The following GLRX variants were observed in gnomAD, a reference collection of about 807,000 sequenced individuals.
GLRX encodes the protein glutaredoxin.
GLRX carries 9 observed loss-of-function variants against 11.1 expected under a neutral mutation model. The observed-to-expected ratio is 0.81, with a 90% confidence interval of 0.49 to 1.42. GLRX has a LOEUF of 1.42. Among genes scored for constraint, GLRX ranks in the 40% most tolerant of loss-of-function variants. The pLI is 0.00. For synonymous variants in GLRX, 49 were observed against 49.5 expected (o/e 0.99, Z 0.04); for missense variants, 102 against 126.2 (o/e 0.81, Z 0.92).
chr5:95,822,716 G>T lies in GLRX; in HGVS notation c.-54C>A. 1 of 1,488,186 alleles carries T rather than the reference G, an allele frequency of 6.7e-7. No individual in the cohort carries two copies. The highest frequency in any genetic ancestry group is 1.1e-5 in the South Asian group (1 of 87,240). The allele number at this position is 1,488,186 out of a possible 1,614,324, so 92.2% of individuals were successfully genotyped here. On this transcript the variant is annotated 5_prime_UTR_variant, in exon 1 of 3. Coordinates refer to ENST00000237858, the MANE Select transcript of GLRX (RefSeq NM_001118890.2). Reference sequence around the variant, plus strand: ...AATCCTCAGTTGCAGGTATTGCTTGGGGTATTGAGCCCCGACCCAGCCAGT... The same window carrying T: ...AATCCTCAGTTGCAGGTATTGCTTGTGGTATTGAGCCCCGACCCAGCCAGT...
intron 1 of GLRX, among the ~76,000 whole-genome samples, chr5:95,821,601 T>G (rs1580449364): frequency 6.6e-6 from 1 of 152,156 alleles, no homozygotes; most frequent in Non-Finnish European, 1.5e-5. Context: ...AAAAGAGAAC[T>G]TAGCTGAGCT....
chr5:95,820,009 A>G (rs1747167294), intron 1 of GLRX, among the ~76,000 whole-genome samples: 1 of 151,500 alleles, frequency 6.6e-6, no homozygotes, highest in African/African-American at 2.4e-5. Flanking sequence ...TTCTTCCCCT[A>G]GGAGGAATGC....
At chr5:95,817,618 C>T (rs190243995) in intron 1 of GLRX, 6 of 152,408 alleles carry the variant, frequency 3.9e-5, no homozygotes, top group Admixed American at 1.3e-4. Flanking sequence ...GGAGCAGACA[C>T]ATTCCAGAAT....
rs1301929266 is a variant in GLRX, at chr5:95,813,922, A to G, written c.*474T>C. 1 of 152,260 alleles carries G rather than the reference A, an allele frequency of 6.6e-6. No individual in the cohort carries two copies. Among genetic ancestry groups the G allele is most frequent in the Non-Finnish European group, 1.5e-5 (1 of 68,044 alleles). 9.4% of individuals were successfully genotyped at this position (152,260 alleles called of 1,614,324 possible). A position where few individuals can be genotyped will look rare whatever the true frequency, so the allele number is the denominator to read the frequency against. On this transcript the variant is annotated 3_prime_UTR_variant, in exon 3 of 3. Transcript: ENST00000237858. ...ACAGTTTTAAGTTAGTGTATTTCGCATAACATTCCTTAATGTCTTGAGAAC... is the reference window on the plus strand; with the variant it reads ...ACAGTTTTAAGTTAGTGTATTTCGCGTAACATTCCTTAATGTCTTGAGAAC...
chr5:95,816,817 C>T (rs747396229), intron 1 of GLRX, 191 bp from the exon 2 acceptor site: 19 of 474,302 alleles, frequency 4.0e-5, no homozygotes, highest in Non-Finnish European at 4.6e-5. Context: ...AATGTTTTTA[C>T]GCCAGAAGAG....
intron 1 of GLRX, chr5:95,816,940 C>A (rs547858167): frequency 3.4e-4 from 75 of 220,892 alleles, no homozygotes; most frequent in Non-Finnish European, 5.7e-4. Context: ...GCAGTCAGAC[C>A]ACCTAGATTG....
rs1183483403 is a variant in GLRX, at chr5:95,816,529, A to G, written c.305T>C (p.Ile102Thr). 1.3e-6 allele frequency: 2 copies of G among 1,584,110 alleles called. No homozygotes were observed. Among genetic ancestry groups the G allele is most frequent in the African/African-American group, 1.3e-5 (1 of 74,286 alleles). Residue 102 changes from isoleucine (I) to threonine (T), a missense_variant, in exon 2 of 3, where the codon ATT (isoleucine) becomes ACT (threonine). By Grantham distance (89) the Ile-to-Thr change is moderately conservative (BLOSUM62 -1). Transcript: ENST00000237858. ...CACCTGTGGTTACTGCAGAGCTCCA[A>G]TCTGCTTTAGCCGCGTCAGCAGTTC... ...SGELLTRLKQ[I>T]GALQ
chr5:95,820,798 A>C (rs1473294236), intron 1 of GLRX, among the ~76,000 whole-genome samples: 2 of 151,970 alleles, frequency 1.3e-5, no homozygotes, highest in East Asian at 1.9e-4. Flanking sequence ...ATTGTGTTGC[A>C]CATTGGAATC....
intron 2 of GLRX, 135 bp downstream of exon 2, chr5:95,816,372 G>T: frequency 6.8e-6 from 4 of 588,078 alleles, no homozygotes; most frequent in South Asian, 2.1e-5. Flanking sequence ...ATAAGTGATT[G>T]ACATCACCAT....
intron 1 of GLRX, among the ~76,000 whole-genome samples, chr5:95,820,317 C>G (rs527463779): frequency 3.1e-4 from 43 of 137,326 alleles, no homozygotes; most frequent in South Asian, 7.0e-4. Context: ...CACCACTGCA[C>G]TCTAGCCTGG....
At chr5:95,822,277 G>A in intron 1 of GLRX, 179 bp downstream of exon 1, 1 of 609,122 alleles carries the variant, frequency 1.6e-6, no homozygotes, top group Non-Finnish European at 2.9e-6. Flanking sequence ...CTGCAGTGCC[G>A]CCGCTCATTC....
At chr5:95,821,555 T>C (rs1320009232) in intron 1 of GLRX, among the ~76,000 whole-genome samples, 1 of 152,190 alleles carries the variant, frequency 6.6e-6, no homozygotes, top group African/African-American at 2.4e-5. Context: ...GGATATGTGC[T>C]TGGCCTAACA....
chr5:95,822,453 C>T lies in GLRX; in HGVS notation c.207+3G>A. 5.6e-6 allele frequency: 9 copies of T among 1,610,984 alleles called. No individual in the cohort carries two copies. Among genetic ancestry groups the T allele is most frequent in the Non-Finnish European group, 7.6e-6 (9 of 1,177,204 alleles). On this transcript the variant is annotated splice_donor_region_variant and intron_variant, in intron 1 of 2. Transcript: ENST00000237858. ...TTCCCTAGCCGTTTAAAATGAAACT[C>T]ACCGTTCTTGCTCCCGTGAGCTGTT...
chr5:95,815,900 G>A (rs1005524369), intron 2 of GLRX, among the ~76,000 whole-genome samples: 2 of 152,172 alleles, frequency 1.3e-5, no homozygotes, highest in Admixed American at 6.5e-5. Flanking sequence ...TGGGTGCTCT[G>A]GCCCCTGCCC....
At chr5:95,819,914 A>AAC (rs1747160265) in intron 1 of GLRX, among the ~76,000 whole-genome samples, 2 of 149,592 alleles carry the variant, frequency 1.3e-5, no homozygotes, top group African/African-American at 5.1e-5. Flanking sequence ...AAAAAAAAAA[A>AAC]AAAAAAAACC....
intron 1 of GLRX, among the ~76,000 whole-genome samples, chr5:95,819,671 G>A (rs1308030703): frequency 2.0e-5 from 3 of 152,024 alleles, no homozygotes; most frequent in East Asian, 1.9e-4. Context: ...AGGCTGAGGC[G>A]GGTGGATCAC....
At chr5:95,816,746 T>C (rs1747014430) in intron 1 of GLRX, 120 bp from the exon 2 acceptor site, 4 of 650,998 alleles carry the variant, frequency 6.1e-6, no homozygotes, top group African/African-American at 3.6e-5. Context: ...AACCTCCTTA[T>C]GTATATGCTC....
At chr5:95,819,695 T>C (rs1292815688) in intron 1 of GLRX, among the ~76,000 whole-genome samples, 3 of 151,720 alleles carry the variant, frequency 2.0e-5, no homozygotes, top group Admixed American at 2.0e-4. Context: ...GTCAGGAGAT[T>C]GAGACCATCC....
In GLRX at chr5:95,822,632, G is replaced by A. The variant is rs534637337; in HGVS notation, c.31C>T (p.Gln11Ter). MAQEFVNCKI[Q>*]PGKVVVFIKP... ...ATGAACACAACCACCTTCCCAGGCT[G>A]GATTTTGCAGTTCACAAACTCTTGA... Residue 11 changes from glutamine to a stop codon, truncating the protein, a stop_gained, in exon 1 of 3, where the codon CAG becomes TAG. Coordinates refer to ENST00000237858, the MANE Select transcript of GLRX (RefSeq NM_001118890.2). LOFTEE classifies it high-confidence loss of function. 1 of 1,613,916 alleles carries A rather than the reference G, an allele frequency of 6.2e-7. No homozygotes were observed. Among genetic ancestry groups the A allele is most frequent in the South Asian group, 1.1e-5 (1 of 91,076 alleles).
Sources: gnomAD v4.1 joint callset for allele counts (sites outside exome capture counted in the v4.1 genomes callset) on GRCh38, gnomAD v4.1.1 for gene constraint, MANE v1.5 for transcripts, NCBI Gene and HGNC (gene_info 2026-07-23, HGNC 2026-07-21) for gene names.